The following PRKAG2 variants were observed in gnomAD, a reference collection of about 807,000 sequenced individuals.
PRKAG2 encodes the protein protein kinase AMP-activated non-catalytic subunit gamma 2.
Under a neutral mutation model 69.6 loss-of-function variants are expected in PRKAG2, and 26 were observed. The observed-to-expected ratio is 0.37, with a 90% CI of 0.27 to 0.52. The LOEUF (loss-of-function observed/expected upper bound fraction) is 0.52, where lower values mean the gene tolerates loss of function less well. Ranked by LOEUF, PRKAG2 falls within the 20% of genes least tolerant of loss-of-function variation. The pLI is 0.90. For missense variants in PRKAG2, 557 were observed against 740.0 expected (o/e 0.75, Z 2.87); for synonymous variants, 293 against 285.0 (o/e 1.03, Z -0.28).
chr7:151,836,939 C>G lies in PRKAG2; in HGVS notation c.114+39568G>C, dbSNP rs903525141. Among the ~76,000 whole-genome samples the G allele has an allele frequency of 1.3e-5, 2 of 149,520 alleles. No homozygotes were observed. Among genetic ancestry groups the G allele is most frequent in the Non-Finnish European group, 3.0e-5 (2 of 67,096 alleles). ...CCGGCCCAGCCAGCTTGCGGGGACC[C>G]CCGAGACGAGGTCCCTGCCAGACTG... is the stretch of plus-strand genomic sequence containing the variant. On this transcript the variant is annotated intron_variant, in intron 1 of 15. Coordinates refer to ENST00000287878, the MANE Select transcript of PRKAG2 (RefSeq NM_016203.4). The surrounding 1 kb of genome is among the most constrained non-coding windows in gnomAD (Gnocchi z 4.1).
At chr7:151,731,573 C>A (rs193078013) in intron 3 of PRKAG2, among the ~76,000 whole-genome samples, 1 of 151,916 alleles carries the variant, frequency 6.6e-6, no homozygotes, top group East Asian at 1.9e-4. Context: ...GAGTGTGTAT[C>A]TCTTGACCCG....
chr7:151,653,872 C>T (rs759851216), intron 4 of PRKAG2, among the ~76,000 whole-genome samples: 1 of 152,152 alleles, frequency 6.6e-6, no homozygotes, highest in Admixed American at 6.5e-5. Context: ...AGACTTGGTA[C>T]ACGTCTCGCT....
chr7:151,581,184 C>G (rs1382259848), intron 6 of PRKAG2, among the ~76,000 whole-genome samples: 2 of 151,980 alleles, frequency 1.3e-5, no homozygotes, highest in African/African-American at 2.4e-5. Context: ...AATAAAAGAA[C>G]AAATCAATAG....
chr7:151,646,790 C>T (rs1372360672), intron 4 of PRKAG2, among the ~76,000 whole-genome samples: 1 of 152,108 alleles, frequency 6.6e-6, no homozygotes, highest in African/African-American at 2.4e-5. Context: ...TACAGATTAC[C>T]TATGTCATAT....
intron 1 of PRKAG2, among the ~76,000 whole-genome samples, chr7:151,821,157 G>A (rs1339355496): frequency 1.2e-5 from 1 of 85,442 alleles, no homozygotes; most frequent in African/African-American, 4.5e-5. Flanking sequence ...GGGCTACTTT[G>A]GAAGAAAGTC....
intron 3 of PRKAG2, among the ~76,000 whole-genome samples, chr7:151,737,356 A>AG (rs1444568917): frequency 2.6e-5 from 4 of 151,378 alleles, no homozygotes; most frequent in Non-Finnish European, 5.9e-5. Flanking sequence ...AAAAAAAAAA[A>AG]AGAGAGATTT....
chr7:151,855,253 A>ACACACACCGCCCTCCACACACACCC (rs1563757105), intron 1 of PRKAG2, among the ~76,000 whole-genome samples: 1 of 13,024 alleles, frequency 7.7e-5, no homozygotes, highest in Non-Finnish European at 1.6e-4. Context: ...CACACACACC[A>ACACACACCGCCCTCCACACACACCC]CCCTCCACAC....
At chr7:151,762,971 A>G (rs911092063) in intron 3 of PRKAG2, among the ~76,000 whole-genome samples, 1 of 152,208 alleles carries the variant, frequency 6.6e-6, no homozygotes, top group Non-Finnish European at 1.5e-5. Flanking sequence ...CAGCAGCCTG[A>G]GCAGGACAAA....
intron 1 of PRKAG2, among the ~76,000 whole-genome samples, chr7:151,841,849 G>GGT: frequency 7.0e-6 from 1 of 142,672 alleles, no homozygotes; most frequent in East Asian, 2.2e-4. Flanking sequence ...AGGTAGTGAT[G>GGT]GGTAGTGATG....
At chr7:151,703,981 G>A (rs913393812) in intron 3 of PRKAG2, among the ~76,000 whole-genome samples, 1 of 151,344 alleles carries the variant, frequency 6.6e-6, no homozygotes, top group Non-Finnish European at 1.5e-5. Flanking sequence ...AGAATCACTT[G>A]AACCTGGGGG....
chr7:151,847,807 G>A (rs2079470061), intron 1 of PRKAG2, among the ~76,000 whole-genome samples: 1 of 152,234 alleles, frequency 6.6e-6, no homozygotes, highest in Non-Finnish European at 1.5e-5. Flanking sequence ...AGGCCACCCT[G>A]TGAGGTTGGC....
At chr7:151,560,481 C>T (rs757074388) in intron 15 of PRKAG2, 43 bp downstream of exon 15, 2 of 1,613,778 alleles carry the variant, frequency 1.2e-6, no homozygotes, top group African/African-American at 1.3e-5. Flanking sequence ...ACCTCCCACC[C>T]TTCCTAGACG....
At chr7:151,812,935 G>GA (rs34158604) in intron 1 of PRKAG2, among the ~76,000 whole-genome samples, 1 of 149,218 alleles carries the variant, frequency 6.7e-6, no homozygotes, top group African/African-American at 2.5e-5. Flanking sequence ...CTGCTGGGCT[G>GA]AAAAAAAAAA....
chr7:151,659,737 T>C (rs1338986738), intron 4 of PRKAG2, among the ~76,000 whole-genome samples: 2 of 152,236 alleles, frequency 1.3e-5, no homozygotes, highest in Non-Finnish European at 2.9e-5. Flanking sequence ...CACACATTCT[T>C]AAGCTAAGAC....
chr7:151,783,119 C>T (rs539845778), intron 2 of PRKAG2, among the ~76,000 whole-genome samples: 2 of 152,180 alleles, frequency 1.3e-5, no homozygotes. Context: ...GCCCAAGCCC[C>T]GAGCCCGCGG....
intron 3 of PRKAG2, among the ~76,000 whole-genome samples, chr7:151,730,014 C>G (rs1384707333): frequency 1.3e-5 from 2 of 152,148 alleles, no homozygotes; most frequent in Non-Finnish European, 2.9e-5. Flanking sequence ...TTGCCAGGGG[C>G]TGGGGTCAGG....
intron 3 of PRKAG2, among the ~76,000 whole-genome samples, chr7:151,707,358 T>C (rs1253709463): frequency 1.3e-5 from 2 of 152,088 alleles, no homozygotes; most frequent in Non-Finnish European, 2.9e-5. Context: ...GTAGCTGAGG[T>C]GTGGCTGCAA....
chr7:151,789,412 G>A (rs1163822183), intron 1 of PRKAG2, among the ~76,000 whole-genome samples: 1 of 152,010 alleles, frequency 6.6e-6, no homozygotes, highest in Non-Finnish European at 1.5e-5. Flanking sequence ...TGCCCTGGGG[G>A]TCCAGGCCTA....
intron 3 of PRKAG2, among the ~76,000 whole-genome samples, chr7:151,692,498 G>T (rs1253917476): frequency 2.0e-5 from 3 of 152,152 alleles, no homozygotes; most frequent in African/African-American, 7.2e-5. Flanking sequence ...TGTTGGAATT[G>T]TTCTATGTCT....
Sources: allele counts gnomAD v4.1 joint callset (sites outside exome capture counted in the v4.1 genomes callset), GRCh38; gene constraint gnomAD v4.1.1; non-coding constraint Gnocchi (gnomAD v3.1); transcripts MANE v1.5; gene names NCBI Gene and HGNC (gene_info 2026-07-23, HGNC 2026-07-21).